The following TMEM132D variants were observed in gnomAD, a reference collection of about 807,000 sequenced individuals.
TMEM132D encodes the protein mature OL transmembrane protein.
TMEM132D carries 21 observed loss-of-function variants against 62.3 expected under a neutral mutation model. That is an observed-to-expected ratio of 0.34 (90% CI 0.24 to 0.49). The LOEUF is 0.49. Among genes scored for constraint, TMEM132D ranks in the 20% least tolerant of loss-of-function variants. The pLI, the probability that TMEM132D is intolerant of heterozygous loss-of-function variation, is 0.99. For missense variants in TMEM132D, 1,346 were observed against 1,402.8 expected (o/e 0.96, Z 0.65); for synonymous variants, 621 against 575.6 (o/e 1.08, Z -1.13).
chr12:129,402,925 C>T (rs960919680), intron 3 of TMEM132D, among the ~76,000 whole-genome samples: 17 of 152,098 alleles, frequency 1.1e-4, no homozygotes, highest in African/African-American at 3.9e-4. Context: ...ACAGCACCCA[C>T]AGTCACCTTT....
chr12:129,763,373 C>T (rs78982957), intron 1 of TMEM132D, among the ~76,000 whole-genome samples: 2,966 of 151,736 alleles, frequency 0.02, 109 homozygotes, highest in East Asian at 0.16. Context: ...CCACCATGCC[C>T]GACCAAGAAC....
chr12:129,678,894 C>T (rs1880707901), intron 2 of TMEM132D, among the ~76,000 whole-genome samples: 1 of 151,956 alleles, frequency 6.6e-6, no homozygotes, highest in South Asian at 2.1e-4. Context: ...TCTCACTGAT[C>T]TGCAATAGTA....
Position 129,706,994 on chromosome 12 carries a change from C to T in TMEM132D, c.80-6296G>A, listed in dbSNP as rs576427850. Among the ~76,000 whole-genome samples, 33 of 150,940 alleles carry T rather than the reference C, an allele frequency of 2.2e-4. No homozygotes were observed. In the South Asian group the frequency reaches 5.2e-3, roughly 24 times the overall value. The stretch of plus-strand genomic sequence containing the variant: ...AGTCTTCAATAGTATCATTATTAAA[C>T]GAAATAAAATTGATCAACTAAACAC... On this transcript the variant is annotated intron_variant, in intron 1 of 8. Transcript: ENST00000422113.
chr12:129,451,050 C>A (rs958204005), intron 3 of TMEM132D, among the ~76,000 whole-genome samples: 1 of 152,092 alleles, frequency 6.6e-6, no homozygotes, highest in Non-Finnish European at 1.5e-5. Context: ...GCGTGAGCCA[C>A]CGCGCCCGGC....
At chr12:129,832,781 T>C (rs1482478229) in intron 1 of TMEM132D, among the ~76,000 whole-genome samples, 1 of 152,220 alleles carries the variant, frequency 6.6e-6, no homozygotes, top group African/African-American at 2.4e-5. Context: ...GCTTTCTTTA[T>C]GGAGCCGTCA....
At chr12:129,189,967 G>C (rs902169842) in intron 5 of TMEM132D, among the ~76,000 whole-genome samples, 2 of 152,136 alleles carry the variant, frequency 1.3e-5, no homozygotes, top group African/African-American at 4.8e-5. Context: ...AGTGGAAGAG[G>C]GAGGCAGAAA....
intron 5 of TMEM132D, among the ~76,000 whole-genome samples, chr12:129,154,442 C>T (rs1006872319): frequency 4.6e-5 from 7 of 152,150 alleles, no homozygotes; most frequent in African/African-American, 1.2e-4. Context: ...GCACCCATTG[C>T]GATACAAGGC....
chr12:129,174,688 CCCA>C (rs1877851165), intron 5 of TMEM132D, among the ~76,000 whole-genome samples: 1 of 152,176 alleles, frequency 6.6e-6, no homozygotes, highest in Admixed American at 6.5e-5. Context: ...AATTTACACT[CCCA>C]CCAACAGCGT....
intron 1 of TMEM132D, among the ~76,000 whole-genome samples, chr12:129,771,978 G>A (rs1870768841): frequency 6.6e-6 from 1 of 152,096 alleles, no homozygotes. Flanking sequence ...ATAAACAAAG[G>A]ACGGCAGTGA....
chr12:129,653,136 G>A (rs569391284), intron 2 of TMEM132D, among the ~76,000 whole-genome samples: 7 of 152,304 alleles, frequency 4.6e-5, no homozygotes, highest in Admixed American at 1.3e-4. Context: ...GGAATTCCAC[G>A]CTGGAGGTCA....
At chr12:129,762,349 A>AT (rs927078955) in intron 1 of TMEM132D, among the ~76,000 whole-genome samples, 1 of 151,892 alleles carries the variant, frequency 6.6e-6, no homozygotes, top group African/African-American at 2.4e-5. Context: ...GGCAGATTGA[A>AT]TTTTTTAAAA....
chr12:129,422,117 C>G (rs1020052420), intron 3 of TMEM132D, among the ~76,000 whole-genome samples: 1 of 130,678 alleles, frequency 7.7e-6, no homozygotes, highest in Admixed American at 7.6e-5. Context: ...AAAAGCTTTT[C>G]TACTTTTCTT....
intron 3 of TMEM132D, among the ~76,000 whole-genome samples, chr12:129,347,631 A>G (rs1225035520): frequency 6.6e-6 from 1 of 152,234 alleles, no homozygotes; most frequent in East Asian, 1.9e-4. Context: ...AGGCAATACC[A>G]TTCAGGACAC....
chr12:129,647,158 G>C (rs1285114465), intron 2 of TMEM132D, among the ~76,000 whole-genome samples: 1 of 148,234 alleles, frequency 6.7e-6, no homozygotes, highest in Non-Finnish European at 1.5e-5. Flanking sequence ...AAACAAAACA[G>C]TATTATTTTG....
chr12:129,250,826 G>T (rs1246049772), intron 4 of TMEM132D, among the ~76,000 whole-genome samples: 1 of 152,192 alleles, frequency 6.6e-6, no homozygotes, highest in African/African-American at 2.4e-5. Flanking sequence ...TGAAGTGGGA[G>T]AATGTAGTGA....
At chr12:129,871,180 A>T (rs577171806) in intron 1 of TMEM132D, among the ~76,000 whole-genome samples, 1 of 152,268 alleles carries the variant, frequency 6.6e-6, no homozygotes, top group Admixed American at 6.5e-5. Context: ...GGAACTAAAC[A>T]GTGATTCGTT....
intron 3 of TMEM132D, among the ~76,000 whole-genome samples, chr12:129,519,610 C>CTTTTT (rs35695419): frequency 2.7e-5 from 4 of 147,000 alleles, no homozygotes; most frequent in Non-Finnish European, 4.5e-5. Context: ...GATAAGAATG[C>CTTTTT]TTTTTTTTTT....
At chr12:129,426,268 GA>G (rs1449966715) in intron 3 of TMEM132D, among the ~76,000 whole-genome samples, 1 of 152,162 alleles carries the variant, frequency 6.6e-6, no homozygotes, top group African/African-American at 2.4e-5. Context: ...TTTAGGAAGG[GA>G]AATTATGAGG....
chr12:129,329,079 A>G (rs564676492), intron 4 of TMEM132D, among the ~76,000 whole-genome samples: 4 of 151,542 alleles, frequency 2.6e-5, no homozygotes, highest in Non-Finnish European at 5.9e-5. Flanking sequence ...CTGGAATCAG[A>G]AATCCTGCTG....
Sources: allele counts gnomAD v4.1 joint callset (sites outside exome capture counted in the v4.1 genomes callset), GRCh38; gene constraint gnomAD v4.1.1; transcripts MANE v1.5; gene names NCBI Gene and HGNC (gene_info 2026-07-23, HGNC 2026-07-21).